The following CRTAC1 variants were observed in gnomAD, a reference collection of about 807,000 sequenced individuals.
The protein encoded by CRTAC1 is acidic secreted protein in cartilage.
A neutral mutation model predicts 67.8 loss-of-function variants in CRTAC1; 37 were observed. The ratio of observed to expected loss-of-function variants is 0.55; its 90% CI spans 0.42 to 0.72. The LOEUF (loss-of-function observed/expected upper bound fraction) is 0.72. Among genes scored for constraint, CRTAC1 ranks in the 30% least tolerant of loss-of-function variants. The pLI is 0.00. For missense variants in CRTAC1, 780 were observed against 931.6 expected (o/e 0.84, Z 2.12); for synonymous variants, 348 against 371.0 (o/e 0.94, Z 0.71).
intron 2 of CRTAC1, among the ~76,000 whole-genome samples, chr10:97,967,853 C>G (rs1384655702): frequency 6.6e-6 from 1 of 152,104 alleles, no homozygotes; most frequent in African/African-American, 2.4e-5. Context: ...CTCAAGGTCC[C>G]TTTCAACCCA....
intron 2 of CRTAC1, among the ~76,000 whole-genome samples, chr10:97,945,642 G>A (rs570355920): frequency 5.3e-5 from 8 of 152,260 alleles, no homozygotes; most frequent in African/African-American, 1.2e-4. Flanking sequence ...GCAGGGTTCC[G>A]CTAGGGAATA....
chr10:97,919,914 T>TTG (rs1554919797), intron 4 of CRTAC1, among the ~76,000 whole-genome samples: 10,984 of 151,670 alleles, frequency 0.072, 510 homozygotes, highest in African/African-American at 0.12. Context: ...TAATTTTTTT[T>TTG]TTTGTTTGTT....
At chr10:97,901,846 A>G (rs1445901731) in intron 7 of CRTAC1, among the ~76,000 whole-genome samples, 2 of 152,200 alleles carry the variant, frequency 1.3e-5, no homozygotes, top group African/African-American at 4.8e-5. Flanking sequence ...GGGAAGAATA[A>G]CAGTCGTGCT....
At chr10:97,882,617 A>C (rs1391855686) in intron 13 of CRTAC1, among the ~76,000 whole-genome samples, 169 bp downstream of exon 13, 1 of 152,148 alleles carries the variant, frequency 6.6e-6, no homozygotes, top group Non-Finnish European at 1.5e-5. Flanking sequence ...CACCCTGGTG[A>C]GTCATGTGGT....
chr10:97,891,976 T>C (rs1425167180), intron 11 of CRTAC1, among the ~76,000 whole-genome samples: 2 of 151,782 alleles, frequency 1.3e-5, no homozygotes, highest in African/African-American at 4.8e-5. Flanking sequence ...GAGAGAGGAG[T>C]CTGCCGGGAG....
chr10:98,002,685 G>C (rs1384163162), intron 2 of CRTAC1, among the ~76,000 whole-genome samples: 1 of 146,166 alleles, frequency 6.8e-6, no homozygotes, highest in East Asian at 2.1e-4. Flanking sequence ...GTGTCAAACA[G>C]TGAGTTACAG....
In CRTAC1 at chr10:97,882,685, T is replaced by C. The variant is rs994785703; in HGVS notation, c.1675+101A>G. The C allele has an allele frequency of 3.2e-6, 4 of 1,268,586 alleles. No individual in the cohort carries two copies. The Admixed American group carries it at 5.2e-5, about 16-fold the overall frequency. The allele number at this position is 1,268,586 out of a possible 1,614,324, so 78.6% of individuals were successfully genotyped here. A position where few individuals can be genotyped will look rare whatever the true frequency, so the allele number is the denominator to read the frequency against. On this transcript the variant is annotated intron_variant, in intron 13 of 14. Transcript: ENST00000370597. ...CAACACCCTCCCCTGTCCTCCTTTC[T>C]GCCCCTTGCTTGCACCCTGGACCTT...
rs769852925 is a variant in CRTAC1 at position 97,919,771 on chromosome 10, C to CTTTTTTTTTTTTTT, written c.559-2129_559-2116dup. On this transcript the variant is annotated intron_variant, in intron 4 of 14. Coordinates refer to ENST00000370597, the MANE Select transcript of CRTAC1 (RefSeq NM_018058.7). Reference sequence around the variant, plus strand: ...GAGATGCACTGCTTTACAGTACAGCCTTTTTTTTTTTTTTTAAGACAGGGT... The same window carrying CTTTTTTTTTTTTTT: ...GAGATGCACTGCTTTACAGTACAGCCTTTTTTTTTTTTTTTTTTTTTTTTTTTTTAAGACAGGGT... Among the ~76,000 whole-genome samples, 10 of 106,306 alleles carry CTTTTTTTTTTTTTT rather than the reference C, an allele frequency of 9.4e-5. 1 individual carries two copies. The highest frequency in any genetic ancestry group is 1.4e-4 in the African/African-American group (4 of 27,696). 69.7% of individuals were successfully genotyped at this position (106,306 alleles called of 152,430 possible).
intron 2 of CRTAC1, among the ~76,000 whole-genome samples, chr10:98,005,100 A>ATATATATATTTTTTTTTTT: frequency 4.1e-5 from 2 of 48,928 alleles, no homozygotes; most frequent in African/African-American, 2.3e-4. Context: ...ATATATATAT[A>ATATATATATTTTTTTTTTT]TTTTTTTTTT....
At chr10:97,977,618 G>A (rs1275528886) in intron 2 of CRTAC1, among the ~76,000 whole-genome samples, 1 of 152,060 alleles carries the variant, frequency 6.6e-6, no homozygotes, top group Admixed American at 6.5e-5. Flanking sequence ...TTTGAGACTG[G>A]GAGAACCCTG....
At chr10:98,002,981 C>T (rs1239006283) in intron 2 of CRTAC1, among the ~76,000 whole-genome samples, 1 of 150,956 alleles carries the variant, frequency 6.6e-6, no homozygotes, top group Non-Finnish European at 1.5e-5. Context: ...GACGGGGTTT[C>T]ACCATGTTAG....
chr10:97,920,169 C>A (rs930727434), intron 4 of CRTAC1, among the ~76,000 whole-genome samples: 1 of 152,152 alleles, frequency 6.6e-6, no homozygotes, highest in Non-Finnish European at 1.5e-5. Flanking sequence ...ATCACAAACC[C>A]TTCCCGACCC....
At chr10:98,028,917 T>G (rs976063896) in intron 1 of CRTAC1, among the ~76,000 whole-genome samples, 4 of 152,028 alleles carry the variant, frequency 2.6e-5, no homozygotes, top group African/African-American at 9.7e-5. Context: ...TTCCCCAGAC[T>G]CCCTACACAC....
intron 1 of CRTAC1, among the ~76,000 whole-genome samples, chr10:98,019,663 C>T (rs778252525): frequency 6.6e-6 from 1 of 152,170 alleles, no homozygotes; most frequent in Non-Finnish European, 1.5e-5. Flanking sequence ...GATCAAAGAG[C>T]CCTCCCTGGA....
Position 97,886,065 on chromosome 10 carries a change from G to T in CRTAC1, c.1487-1714C>A, listed in dbSNP as rs1156813438. On this transcript the variant is annotated intron_variant, in intron 11 of 14. Transcript: ENST00000370597. ...GGGTTCCCATATTTTAGAAAAGGAGGTTTGGAGGCCACATGCAGACTTGGA... is the reference window on the plus strand; with the variant it reads ...GGGTTCCCATATTTTAGAAAAGGAGTTTTGGAGGCCACATGCAGACTTGGA... 2.6e-5 allele frequency among the ~76,000 whole-genome samples: 4 copies of T among 152,274 alleles called. No homozygotes were observed. The South Asian group carries it at 6.2e-4, about 24-fold the overall frequency.
chr10:97,959,899 C>T (rs1033456297), intron 2 of CRTAC1, among the ~76,000 whole-genome samples: 5 of 152,362 alleles, frequency 3.3e-5, no homozygotes, highest in South Asian at 4.1e-4. Flanking sequence ...CACCCAGCAA[C>T]GAGTTGTGAC....
intron 14 of CRTAC1, among the ~76,000 whole-genome samples, chr10:97,872,731 G>A (rs570972090): frequency 3.3e-5 from 5 of 152,254 alleles, no homozygotes; most frequent in South Asian, 2.1e-4. Flanking sequence ...ATGGATGCTC[G>A]CAGACCCTGG....
Position 97,916,724 on chromosome 10 carries a change from A to G in CRTAC1, c.715+776T>C, listed in dbSNP as rs113541542. On this transcript the variant is annotated intron_variant, in intron 5 of 14. Coordinates refer to ENST00000370597, the MANE Select transcript of CRTAC1 (RefSeq NM_018058.7). ...CTGTCCCAAGTGCAGGTCTGGTATGAATGTGGCTTAAGTTCACATGACAAG... is the reference window on the plus strand; with the variant it reads ...CTGTCCCAAGTGCAGGTCTGGTATGGATGTGGCTTAAGTTCACATGACAAG... 1.7e-3 allele frequency among the ~76,000 whole-genome samples: 260 copies of G among 152,292 alleles called. 1 individual carries two copies. Among genetic ancestry groups the G allele is most frequent in the African/African-American group, 5.8e-3 (243 of 41,566 alleles).
intron 11 of CRTAC1, among the ~76,000 whole-genome samples, chr10:97,887,825 G>T (rs1305721821): frequency 6.6e-6 from 1 of 152,218 alleles, no homozygotes; most frequent in Non-Finnish European, 1.5e-5. Flanking sequence ...AGCATCCCTG[G>T]CACCATCGGC....
Sources: allele counts gnomAD v4.1 joint callset (sites outside exome capture counted in the v4.1 genomes callset), GRCh38; gene constraint gnomAD v4.1.1; transcripts MANE v1.5; gene names NCBI Gene and HGNC (gene_info 2026-07-23, HGNC 2026-07-21).